Variants in GALNT8 observed in about 807,000 individuals in gnomAD.
The protein encoded by GALNT8 is polypeptide N-acetylgalactosaminyltransferase 8, also known as probable polypeptide N-acetylgalactosaminyltransferase 8.
GALNT8 carries 66 observed loss-of-function variants against 62.7 expected under a neutral mutation model. That is an observed-to-expected ratio of 1.05 (90% confidence interval 0.86 to 1.29). GALNT8 has a LOEUF of 1.29. Among genes scored for constraint, GALNT8 ranks in the 50% most tolerant of loss-of-function variants. The pLI is 0.00. For missense variants in GALNT8, 771 were observed against 791.8 expected, an observed-to-expected ratio of 0.97 and a Z score of 0.32; for synonymous variants, 288 against 294.3, an observed-to-expected ratio of 0.98 and a Z score of 0.22.
chr12:4,770,226 C>T (rs977613830), intron 10 of GALNT8, among the ~76,000 whole-genome samples: 9 of 150,992 alleles, frequency 6.0e-5, no homozygotes, highest in Admixed American at 1.3e-4. Flanking sequence ...TACCTGAACC[C>T]GGGAGGCGGA....
At chr12:4,738,938 C>A (rs1307877990) in intron 2 of GALNT8, among the ~76,000 whole-genome samples, 1 of 151,966 alleles carries the variant, frequency 6.6e-6, no homozygotes, top group East Asian at 1.9e-4. Flanking sequence ...AAACATCTAG[C>A]AAAGATTAAT....
intron 2 of GALNT8, among the ~76,000 whole-genome samples, chr12:4,735,886 A>G (rs1946242434): frequency 6.6e-6 from 1 of 152,216 alleles, no homozygotes; most frequent in South Asian, 2.1e-4. Flanking sequence ...CCCCAGCTGT[A>G]TTTAAGGGAC....
intron 6 of GALNT8, among the ~76,000 whole-genome samples, chr12:4,760,378 C>G (rs111615526): frequency 6.6e-6 from 1 of 152,198 alleles, no homozygotes; most frequent in African/African-American, 2.4e-5. Context: ...GAGAGCATCT[C>G]TTGGCAAAAT....
At chr12:4,731,314 A>G (rs1056557556) in intron 2 of GALNT8, among the ~76,000 whole-genome samples, 2 of 152,206 alleles carry the variant, frequency 1.3e-5, no homozygotes, top group African/African-American at 4.8e-5. Flanking sequence ...GTCAGTGTAT[A>G]GTAAGGCTAC....
At chr12:4,754,290 G>A (rs1258623328) in intron 6 of GALNT8, among the ~76,000 whole-genome samples, 1 of 152,150 alleles carries the variant, frequency 6.6e-6, no homozygotes, top group Non-Finnish European at 1.5e-5. Flanking sequence ...TCGGGGCCGT[G>A]TGTTCCTCCA....
chr12:4,726,537 A>G lies in GALNT8; in HGVS notation c.217A>G (p.Ser73Gly). ...LEVELQDLKE[S>G]MKLALRQQEN... ...CCTGTCCTCTTCATTTGCAGAAGAAAGTATGAAATTAGCTCTGAGGCAACA... is the reference window on the plus strand; with the variant it reads ...CCTGTCCTCTTCATTTGCAGAAGAAGGTATGAAATTAGCTCTGAGGCAACA... The change falls in exon 2 of 11, where the codon AGT becomes GGT. Residue 73 changes from serine to glycine, a missense_variant. Transcript: ENST00000252318. The surrounding 1 kb of genome is among the most constrained non-coding windows in gnomAD (Gnocchi z 4.1). 1.2e-6 allele frequency: 2 copies of G among 1,608,434 alleles called. No homozygotes were observed. The highest frequency in any genetic ancestry group is 8.5e-7 in the Non-Finnish European group (1 of 1,175,984).
intron 3 of GALNT8, among the ~76,000 whole-genome samples, chr12:4,741,345 T>C (rs1946271267): frequency 6.6e-6 from 1 of 152,126 alleles, no homozygotes. Flanking sequence ...AAGAGACTAG[T>C]TTCATTCATT....
chr12:4,748,201 C>T (rs540933249), intron 6 of GALNT8, among the ~76,000 whole-genome samples: 10 of 152,158 alleles, frequency 6.6e-5, no homozygotes, highest in East Asian at 3.9e-4. Context: ...GTATCTTTTG[C>T]GGTGCAGAAG....
At chr12:4,767,893 A>C (rs1433364306) in intron 10 of GALNT8, among the ~76,000 whole-genome samples, 1 of 152,242 alleles carries the variant, frequency 6.6e-6, no homozygotes, top group Non-Finnish European at 1.5e-5. Flanking sequence ...GTGTTCAAAG[A>C]ATCATGGTTT....
chr12:4,761,822 C>T (rs1565389520), intron 7 of GALNT8, among the ~76,000 whole-genome samples: 1 of 152,146 alleles, frequency 6.6e-6, no homozygotes, highest in East Asian at 1.9e-4. Context: ...CGGGCCAGAG[C>T]ATGTGGAGCT....
chr12:4,765,297 T>C (rs1440585918), intron 9 of GALNT8, 82 bp from the exon 10 acceptor site: 1 of 1,310,730 alleles, frequency 7.6e-7, no homozygotes, highest in African/African-American at 1.5e-5. Flanking sequence ...TTCTTCCTGC[T>C]GTCCCTCGGG....
chr12:4,745,374 C>CA, intron 4 of GALNT8, 55 bp from the exon 5 acceptor site: 1 of 1,059,170 alleles, frequency 9.4e-7, no homozygotes, highest in Admixed American at 1.9e-5. Flanking sequence ...TATCTGCTCT[C>CA]CCCTACTGCT....
At chr12:4,771,094 G>A (rs141868986) in intron 10 of GALNT8, among the ~76,000 whole-genome samples, 156 of 152,276 alleles carry the variant, frequency 1.0e-3, no homozygotes, top group African/African-American at 3.2e-3. Flanking sequence ...TTGAATAGGA[G>A]TGTGGTGTTC....
chr12:4,740,286 A>G (rs1051159245), intron 3 of GALNT8, among the ~76,000 whole-genome samples: 58 of 152,192 alleles, frequency 3.8e-4, no homozygotes, highest in African/African-American at 1.4e-3. Context: ...GGGTAACTCA[A>G]CGTCTTCATA....
At chr12:4,734,317 C>T (rs1284038600) in intron 2 of GALNT8, among the ~76,000 whole-genome samples, 1 of 152,218 alleles carries the variant, frequency 6.6e-6, no homozygotes, top group African/African-American at 2.4e-5. Context: ...GTACCACCCT[C>T]TTACAGCATT....
intron 8 of GALNT8, 44 bp from the exon 9 acceptor site, chr12:4,763,908 T>G (rs750625378): frequency 2.0e-6 from 2 of 1,004,138 alleles, no homozygotes; most frequent in Non-Finnish European, 3.2e-6. Context: ...CGCCTCATTC[T>G]CTGTCCTTTC....
chr12:4,723,879 G>A (rs1415246663), intron 1 of GALNT8, among the ~76,000 whole-genome samples: 4 of 151,706 alleles, frequency 2.6e-5, no homozygotes, highest in African/African-American at 7.3e-5. Flanking sequence ...GGCCGGGCGC[G>A]GTGGCTCACG....
rs184230171 is a variant in GALNT8, at chr12:4,772,540, G to A, written c.1857G>A (p.Thr619=). ...TGCTTGTGCTCCAGACCTGTAGCACGCAAGTGTGGGAAATCCAGCACACTG... is the reference window on the plus strand; with the variant it reads ...TGCTTGTGCTCCAGACCTGTAGCACACAAGTGTGGGAAATCCAGCACACTG... The part of the protein sequence containing the change: ...SHVLVLQTCS[T]QVWEIQHTVR... Residue 619 remains threonine (T), a synonymous_variant, in exon 11 of 11, where the codon ACG becomes ACA. Transcript: ENST00000252318. 69 of 1,613,510 alleles carry A rather than the reference G, an allele frequency of 4.3e-5. No individual in the cohort carries two copies. The East Asian group carries it at 6.9e-4, about 16-fold the overall frequency.
At chr12:4,723,403 T>C (rs909624487) in intron 1 of GALNT8, among the ~76,000 whole-genome samples, 2 of 152,120 alleles carry the variant, frequency 1.3e-5, no homozygotes, top group African/African-American at 4.8e-5. Flanking sequence ...CCTAGGGTGG[T>C]GACCCCAGCA....
Sources: gnomAD v4.1 joint callset for allele counts (sites outside exome capture counted in the v4.1 genomes callset) on GRCh38, gnomAD v4.1.1 for gene constraint, Gnocchi (gnomAD v3.1) non-coding constraint, MANE v1.5 for transcripts, NCBI Gene and HGNC (gene_info 2026-07-23, HGNC 2026-07-21) for gene names.